The following PAPOLG variants were observed in gnomAD, a reference collection of about 807,000 sequenced individuals.
PAPOLG encodes poly(A) polymerase gamma.
PAPOLG carries 40 observed loss-of-function variants against 99.0 expected under a neutral mutation model. The ratio of observed to expected loss-of-function variants is 0.40; its 90% CI spans 0.31 to 0.53. The LOEUF is 0.53. Among genes scored for constraint, PAPOLG ranks in the 20% least tolerant of loss-of-function variants. The pLI is 0.41. For synonymous variants in PAPOLG, 310 were observed against 299.3 expected (o/e 1.04, Z -0.37); for missense variants, 675 against 884.1 (o/e 0.76, Z 3.00).
At chr2:60,778,281 G>C (rs1447378875) in intron 8 of PAPOLG, among the ~76,000 whole-genome samples, 3 of 152,070 alleles carry the variant, frequency 2.0e-5, no homozygotes, top group Non-Finnish European at 4.4e-5. Context: ...CGAGTAGCTA[G>C]AACTACAGGC....
In PAPOLG at chr2:60,779,770, C is replaced by T. The variant is rs1416625864; in HGVS notation, c.828C>T (p.Ser276=). 3.1e-6 allele frequency: 5 copies of T among 1,612,434 alleles called. No individual in the cohort carries two copies. The South Asian group carries it at 4.4e-5, about 14-fold the overall frequency. Residue 276 remains serine (S), a synonymous_variant, in exon 9 of 22, where the codon TCC becomes TCT. Coordinates refer to ENST00000238714, the MANE Select transcript of PAPOLG (RefSeq NM_022894.4). ...TTCATAAGTTCTTTTTAGTTTTTTC[C>T]AAGTGGTAAGTATTTACGTGTGTAC... ...TLVHKFFLVF[S]KWEWPNPVLL...
chr2:60,793,598 TA>T (rs748819696), intron 17 of PAPOLG, 28 bp from the exon 18 acceptor site: 3 of 1,608,556 alleles, frequency 1.9e-6, no homozygotes, highest in Non-Finnish European at 2.5e-6. Context: ...TTAAATCATT[TA>T]TTGATGATAA....
intron 2 of PAPOLG, 100 bp downstream of exon 2, chr2:60,760,395 G>A: frequency 8.5e-7 from 1 of 1,177,880 alleles, no homozygotes; most frequent in Non-Finnish European, 1.2e-6. Context: ...TACAGGTGCA[G>A]AAATGACAAA....
chr2:60,757,196 C>T (rs1573211337), intron 1 of PAPOLG, among the ~76,000 whole-genome samples: 1 of 152,144 alleles, frequency 6.6e-6, no homozygotes, highest in African/African-American at 2.4e-5. Flanking sequence ...CCATTTCTCC[C>T]AAAACGTAAC....
At position 60,779,795 on chromosome 2, in the gene PAPOLG, C is replaced by CTT; in HGVS notation, c.833+22_833+23dup. 1 of 1,592,408 alleles carries CTT rather than the reference C, an allele frequency of 6.3e-7. No homozygotes were observed. On this transcript the variant is annotated intron_variant, in intron 9 of 21. Transcript: ENST00000238714. ...CAAGTGGTAAGTATTTACGTGTGTA[C>CTT]TTTGACTGTTTACTAATCTCTACCT...
chr2:60,779,372 T>A (rs1671122843), intron 8 of PAPOLG, among the ~76,000 whole-genome samples: 1 of 152,188 alleles, frequency 6.6e-6, no homozygotes. Flanking sequence ...GGCAAAGAAC[T>A]GAGGTGTCTG....
intron 3 of PAPOLG, among the ~76,000 whole-genome samples, chr2:60,767,903 G>C (rs1412744228): frequency 6.6e-6 from 1 of 152,176 alleles, no homozygotes; most frequent in African/African-American, 2.4e-5. Flanking sequence ...TGATTAAAAA[G>C]AAAAGCTTTT....
At chr2:60,785,455 C>G (rs140965766) in intron 13 of PAPOLG, among the ~76,000 whole-genome samples, 24 of 152,120 alleles carry the variant, frequency 1.6e-4, no homozygotes, top group African/African-American at 5.5e-4. Context: ...TTTTTAAATG[C>G]AAAGTCAAGC....
At position 60,782,653 on chromosome 2, in the gene PAPOLG, C is replaced by CTTTTTTTTTTTTTTTTTT. The variant is rs747526129; in HGVS notation, c.1028-25_1028-8dup. The stretch of plus-strand genomic sequence containing the variant: ...GTCCCTTTTCAAAATCATTCTTCTT[C>CTTTTTTTTTTTTTTTTTT]TTTTTTTTTTTTTTTTTTTTTTTTT... On this transcript the variant is annotated intron_variant, in intron 11 of 21. Coordinates refer to ENST00000238714, the MANE Select transcript of PAPOLG (RefSeq NM_022894.4). 11 of 1,065,974 alleles carry CTTTTTTTTTTTTTTTTTT rather than the reference C, an allele frequency of 1.0e-5. 1 individual carries two copies. Among genetic ancestry groups the CTTTTTTTTTTTTTTTTTT allele is most frequent in the Middle Eastern group, 3.9e-4 (1 of 2,572 alleles). The allele number at this position is 1,065,974 out of a possible 1,614,324, so 66.0% of individuals were successfully genotyped here.
In PAPOLG at chr2:60,797,910, A is replaced by T. The variant is rs1671761474; in HGVS notation, c.*750A>T. 4 of 152,788 alleles carry T rather than the reference A, an allele frequency of 2.6e-5. No individual in the cohort carries two copies. In the Admixed American group the frequency reaches 2.6e-4, roughly 10 times the overall value. The allele number at this position is 152,788 out of a possible 1,614,324, so 9.5% of individuals were successfully genotyped here. On this transcript the variant is annotated 3_prime_UTR_variant, in exon 22 of 22. Coordinates refer to ENST00000238714, the MANE Select transcript of PAPOLG (RefSeq NM_022894.4). ...GAAATGCATCTTTATTAAAAATCAA[A>T]ATATAACCAGGATACTGAAAGTCAG... is the stretch of plus-strand genomic sequence containing the variant.
intron 12 of PAPOLG, among the ~76,000 whole-genome samples, 191 bp from the exon 13 acceptor site, chr2:60,782,965 G>T (rs1241062950): frequency 6.6e-6 from 1 of 152,058 alleles, no homozygotes; most frequent in African/African-American, 2.4e-5. Flanking sequence ...ACTTTTTAAA[G>T]TGAATTGTTT....
chr2:60,760,657 G>A (rs910328881), intron 2 of PAPOLG, among the ~76,000 whole-genome samples: 1 of 152,204 alleles, frequency 6.6e-6, no homozygotes, highest in Admixed American at 6.5e-5. Context: ...AACTCTTGAA[G>A]TGGTGTATTT....
Position 60,794,945 on chromosome 2 carries a change from T to C in PAPOLG, c.2056-19T>C, listed in dbSNP as rs1028434059. ...ATAGGAAAGTTAGTTTTCACTTGTG[T>C]TGATTCTTCTGTTTTTAGGATGCCA... On this transcript the variant is annotated intron_variant, in intron 20 of 21. Coordinates refer to ENST00000238714, the MANE Select transcript of PAPOLG (RefSeq NM_022894.4). 6.2e-7 allele frequency: 1 copy of C among 1,610,974 alleles called. No individual in the cohort carries two copies. Among genetic ancestry groups the C allele is most frequent in the South Asian group, 1.1e-5 (1 of 90,776 alleles).
At chr2:60,769,854 C>G (rs544020453) in intron 5 of PAPOLG, among the ~76,000 whole-genome samples, 2 of 152,062 alleles carry the variant, frequency 1.3e-5, no homozygotes, top group Admixed American at 1.3e-4. Flanking sequence ...CTGCACCTAT[C>G]AACCCATTAT....
chr2:60,781,356 C>CA (rs567068468), intron 10 of PAPOLG, among the ~76,000 whole-genome samples: 35,453 of 142,028 alleles, frequency 0.25, 4,733 homozygotes, highest in African/African-American at 0.37. Flanking sequence ...GACTTCGTCT[C>CA]AAAAAAAAAA....
chr2:60,772,166 G>A (rs1309583520), intron 7 of PAPOLG, among the ~76,000 whole-genome samples: 4 of 151,960 alleles, frequency 2.6e-5, no homozygotes, highest in East Asian at 1.9e-4. Flanking sequence ...AAATCTGGCC[G>A]GGCGTGGTGG....
intron 8 of PAPOLG, chr2:60,779,421 T>G (rs1380593920): frequency 2.3e-5 from 11 of 475,798 alleles, no homozygotes; most frequent in Non-Finnish European, 3.3e-5. Flanking sequence ...ATTAGCAATT[T>G]ATGGTTTACT....
intron 7 of PAPOLG, among the ~76,000 whole-genome samples, chr2:60,773,970 G>A (rs192858872): frequency 1.3e-5 from 2 of 152,262 alleles, no homozygotes; most frequent in East Asian, 1.9e-4. Context: ...AAAAAAGCAG[G>A]TAGTTGAGCT....
intron 3 of PAPOLG, among the ~76,000 whole-genome samples, chr2:60,763,101 A>G (rs1307351111): frequency 6.7e-6 from 1 of 148,218 alleles, no homozygotes; most frequent in African/African-American, 2.5e-5. Flanking sequence ...TATAGACAGG[A>G]TCTCCCTCTG....
Sources: allele counts gnomAD v4.1 joint callset (sites outside exome capture counted in the v4.1 genomes callset), GRCh38; gene constraint gnomAD v4.1.1; transcripts MANE v1.5; gene names NCBI Gene and HGNC (gene_info 2026-07-23, HGNC 2026-07-21).